HOXC4: variants seen among roughly 807,000 people sequenced by gnomAD.
The protein encoded by HOXC4 is homeobox protein Hox-C4.
Under a neutral mutation model 25.5 loss-of-function variants are expected in HOXC4, and 15 were observed. The observed-to-expected ratio is 0.59, with a 90% CI of 0.39 to 0.91. HOXC4 has a LOEUF of 0.91. Among genes scored for constraint, HOXC4 ranks in the 40% least tolerant of loss-of-function variants. The pLI is 0.00. For synonymous variants in HOXC4, 165 were observed against 148.0 expected (o/e 1.11, Z -0.83); for missense variants, 342 against 352.4 (o/e 0.97, Z 0.24).
upstream of HOXC4, among the ~76,000 whole-genome samples, chr12:54,052,847 GCAGGCTCTACCCACA>G (rs1937879968): frequency 6.6e-6 from 1 of 152,174 alleles, no homozygotes; most frequent in East Asian, 1.9e-4. Flanking sequence ...CCAGAAGCAA[GCAGGCTCTACCCACA>G]CAGGCCTCCC....
intron 1 of HOXC4, chr12:54,029,829 G>T: frequency 6.2e-7 from 1 of 1,614,032 alleles, no homozygotes; most frequent in Non-Finnish European, 8.5e-7. Flanking sequence ...TTCCAGAACC[G>T]CCGGATGAAG....
intron 1 of HOXC4, among the ~76,000 whole-genome samples, chr12:54,035,541 A>G (rs1941166926): frequency 1.3e-5 from 2 of 152,144 alleles, no homozygotes; most frequent in Non-Finnish European, 2.9e-5. Context: ...GGCTGCAACA[A>G]GAGCCTCTGG....
At chr12:54,038,188 TG>T (rs1478532237) in intron 1 of HOXC4, among the ~76,000 whole-genome samples, 3 of 152,214 alleles carry the variant, frequency 2.0e-5, no homozygotes, top group African/African-American at 7.2e-5. Flanking sequence ...AGTAGGAAGA[TG>T]GGGGAGCTTG....
intron 1 of HOXC4, among the ~76,000 whole-genome samples, chr12:54,031,522 G>A (rs1940987022): frequency 6.6e-6 from 1 of 152,208 alleles, no homozygotes; most frequent in Non-Finnish European, 1.5e-5. Context: ...GTGAAGAGGC[G>A]GGTGAGGAGC....
At chr12:54,043,039 G>C (rs1484607609) in intron 1 of HOXC4, among the ~76,000 whole-genome samples, 3 of 152,230 alleles carry the variant, frequency 2.0e-5, no homozygotes, top group Non-Finnish European at 4.4e-5. Flanking sequence ...GGGGAACAGA[G>C]ATACCTCAGA....
intron 1 of HOXC4, among the ~76,000 whole-genome samples, chr12:54,039,092 A>C (rs78411963): frequency 6.6e-6 from 1 of 152,220 alleles, no homozygotes; most frequent in East Asian, 1.9e-4. Context: ...CCAGCCATGA[A>C]TAGCCAGGGC....
intron 1 of HOXC4, chr12:54,033,393 G>C (rs753974633): frequency 3.1e-6 from 5 of 1,612,568 alleles, no homozygotes; most frequent in Non-Finnish European, 4.2e-6. Flanking sequence ...CAGAGACGAA[G>C]CGGCTCCTCT....
At chr12:54,024,412 T>A (rs568374738) in intron 1 of HOXC4, among the ~76,000 whole-genome samples, 1 of 152,240 alleles carries the variant, frequency 6.6e-6, no homozygotes, top group African/African-American at 2.4e-5. Flanking sequence ...AGTATGTGTA[T>A]CTGTGTGCGA....
At chr12:54,028,595 C>T in intron 1 of HOXC4, 1 of 1,614,172 alleles carries the variant, frequency 6.2e-7, no homozygotes, top group Non-Finnish European at 8.5e-7. Context: ...CCCAACGTCG[C>T]CCTCAATTCC....
At chr12:54,023,283 C>T (rs903273228) in intron 1 of HOXC4, among the ~76,000 whole-genome samples, 11 of 152,152 alleles carry the variant, frequency 7.2e-5, no homozygotes, top group African/African-American at 2.2e-4. Context: ...ACCTATTTTA[C>T]GTTTTAACCT....
intron 1 of HOXC4, chr12:54,033,184 T>C (rs754872705): frequency 1.2e-6 from 2 of 1,614,046 alleles, no homozygotes; most frequent in Non-Finnish European, 1.7e-6. Context: ...GCCTATAACA[T>C]GCAAACTTGT....
chr12:54,020,999 A>G (rs1180754136), intron 1 of HOXC4: 5 of 152,252 alleles, frequency 3.3e-5, no homozygotes. Flanking sequence ...GTGGGGCTGC[A>G]AGCAGTTCGG....
chr12:54,018,331 G>C (rs895003698), intron 1 of HOXC4, among the ~76,000 whole-genome samples: 7 of 152,234 alleles, frequency 4.6e-5, no homozygotes, highest in African/African-American at 1.7e-4. Context: ...CTCTGGGCTA[G>C]GACCTGCCTC....
chr12:54,039,681 T>C (rs982327385), intron 1 of HOXC4, among the ~76,000 whole-genome samples: 3 of 152,114 alleles, frequency 2.0e-5, no homozygotes, highest in Admixed American at 6.5e-5. Flanking sequence ...GAAACTTTCC[T>C]ATCCAAGCAG....
intron 1 of HOXC4, among the ~76,000 whole-genome samples, chr12:54,018,640 C>T (rs1444241812): frequency 6.6e-6 from 1 of 152,188 alleles, no homozygotes; most frequent in Non-Finnish European, 1.5e-5. Flanking sequence ...GATATATGAC[C>T]CCGCCCTGCT....
At chr12:54,047,980 G>A (rs1458820106) in intron 1 of HOXC4, 2 of 152,148 alleles carry the variant, frequency 1.3e-5, no homozygotes, top group Non-Finnish European at 2.9e-5. Flanking sequence ...ATGGAGGGAG[G>A]TGACACCCCA....
At chr12:54,037,003 C>T (rs1420146471) in intron 1 of HOXC4, among the ~76,000 whole-genome samples, 2 of 152,218 alleles carry the variant, frequency 1.3e-5, no homozygotes, top group Non-Finnish European at 2.9e-5. Flanking sequence ...CTGACTGCCT[C>T]CTCCCGGCAG....
chr12:54,034,054 C>A (rs1188198680), intron 1 of HOXC4: 2 of 705,726 alleles, frequency 2.8e-6, no homozygotes, highest in Admixed American at 2.0e-5. Flanking sequence ...CCCTCAGCCC[C>A]TCCGGCTGCA....
intron 1 of HOXC4, chr12:54,028,720 C>T (rs144307645): frequency 0.015 from 23,552 of 1,614,126 alleles, 210 homozygotes; most frequent in Non-Finnish European, 0.017. Context: ...CAGTTCCAGC[C>T]GGGGGCCGTA....
Sources: gnomAD v4.1 joint callset for allele counts (sites outside exome capture counted in the v4.1 genomes callset) on GRCh38, gnomAD v4.1.1 for gene constraint, MANE v1.5 for transcripts, NCBI Gene and HGNC (gene_info 2026-07-23, HGNC 2026-07-21) for gene names.